Variants in CDK5RAP3 observed in about 807,000 individuals in gnomAD.
CDK5RAP3 encodes the protein CDK5 regulatory subunit associated protein 3, also known as CDK5 regulatory subunit-associated protein 3.
CDK5RAP3 carries 58 observed loss-of-function variants against 73.3 expected under a neutral mutation model. The observed-to-expected ratio is 0.79, with a 90% CI of 0.64 to 0.98. CDK5RAP3 has a LOEUF of 0.98. Ranked by LOEUF, CDK5RAP3 falls within the 50% of genes least tolerant of loss-of-function variation. CDK5RAP3 has a pLI of 0.00. For synonymous variants in CDK5RAP3, 224 were observed against 247.5 expected (o/e 0.91, Z 0.89); for missense variants, 525 against 615.8 (o/e 0.85, Z 1.56).
intron 5 of CDK5RAP3, chr17:47,974,811 C>G (rs949867624): frequency 1.6e-6 from 2 of 1,225,796 alleles, no homozygotes; most frequent in African/African-American, 3.2e-5. Context: ...GAGCGAATAT[C>G]AAGTGCCTGA....
In CDK5RAP3 at chr17:47,975,251, T is replaced by G. The variant is rs1462798517; in HGVS notation, c.427T>G (p.Tyr143Asp). The G allele has an allele frequency of 1.4e-5, 23 of 1,614,018 alleles. No individual in the cohort carries two copies. Among genetic ancestry groups the G allele is most frequent in the Non-Finnish European group, 1.9e-5 (23 of 1,180,028 alleles). ...CAAGTGCCAGCAGCTGCAGCAAGAA[T>G]ACAGCCGCAAGGAGGAGGAGTGCCA... ...IAKCQQLQQE[Y>D]SRKEEECQAG... Residue 143 changes from tyrosine to aspartate, a missense_variant, in exon 6 of 14, where the codon TAC becomes GAC. By Grantham distance (160) the Tyr-to-Asp change is radical (BLOSUM62 -3). Around this residue, in one of 2 missense-constraint regions of CDK5RAP3, gnomAD observed 409 missense variants for 429.8 expected, o/e 0.95. Coordinates refer to ENST00000338399, the MANE Select transcript of CDK5RAP3 (RefSeq NM_176096.3).
chr17:47,974,134 A>C, intron 4 of CDK5RAP3, 103 bp downstream of exon 4: 1 of 824,900 alleles, frequency 1.2e-6, no homozygotes, highest in East Asian at 2.5e-5. Flanking sequence ...ATGCCTACAT[A>C]GAATATTTCC....
At position 47,971,193 on chromosome 17, in the gene CDK5RAP3, G is replaced by A. The variant is rs191902054; in HGVS notation, c.6+41G>A. ...CTGGGTGTGCTGGGGACTGGCCGCG[G>A]ACCCCTAACCTGTGTCTCCGGTCTC... On this transcript the variant is annotated intron_variant, in intron 1 of 13. Coordinates refer to ENST00000338399, the MANE Select transcript of CDK5RAP3 (RefSeq NM_176096.3). 5,546 of 1,535,862 alleles carry A rather than the reference G, an allele frequency of 3.6e-3. 8 individuals carry two copies. The highest frequency in any genetic ancestry group is 4.2e-3 in the Non-Finnish European group (4,738 of 1,136,558).
Position 47,973,577 on chromosome 17 carries a change from C to T in CDK5RAP3, c.111C>T (p.Ile37=). 2 of 1,614,170 alleles carry T rather than the reference C, an allele frequency of 1.2e-6. No individual in the cohort carries two copies. The change falls in exon 3 of 14, where the codon ATC becomes ATT. Residue 37 remains isoleucine, a synonymous_variant. Transcript: ENST00000338399. The stretch of plus-strand genomic sequence containing the variant: ...AATGGCAGAGTCTGGTGCTGACGAT[C>T]CGCGAGAAGATCAATGCTGCCATCC... ...SLKWQSLVLT[I]REKINAAIQD...
At chr17:47,978,233 C>G (rs2036465319) in intron 10 of CDK5RAP3, among the ~76,000 whole-genome samples, 1 of 151,974 alleles carries the variant, frequency 6.6e-6, no homozygotes, top group South Asian at 2.1e-4. Flanking sequence ...CCACGCACAG[C>G]TAATTTTATA....
intron 3 of CDK5RAP3, 122 bp downstream of exon 3, chr17:47,973,772 G>A: frequency 7.5e-7 from 1 of 1,339,122 alleles, no homozygotes; most frequent in Admixed American, 1.9e-5. Context: ...ATTTTTATTT[G>A]AGGTATAGAT....
chr17:47,981,754 A>G lies in CDK5RAP3; in HGVS notation c.*252A>G. 1 of 1,483,622 alleles carries G rather than the reference A, an allele frequency of 6.7e-7. No homozygotes were observed. Among genetic ancestry groups the G allele is most frequent in the African/African-American group, 1.4e-5 (1 of 72,024 alleles). The allele number at this position is 1,483,622 out of a possible 1,614,324, so 91.9% of individuals were successfully genotyped here. A position where few individuals can be genotyped will look rare whatever the true frequency, so the allele number is the denominator to read the frequency against. On this transcript the variant is annotated 3_prime_UTR_variant, in exon 14 of 14. Transcript: ENST00000338399. ...TTCTAGTTAGTATAGCGGACTTAAT[A>G]AAAGAGGAAAAAACTCTTGCTTCAG...
rs1295281596 is a variant in CDK5RAP3 at position 47,977,870 on chromosome 17, T to TG, written c.949dup (p.Val317GlyfsTer29). The TG allele has an allele frequency of 5.0e-5, 81 of 1,613,994 alleles. No homozygotes were observed. Among genetic ancestry groups the TG allele is most frequent in the Non-Finnish European group, 6.5e-5 (77 of 1,179,988 alleles). On this transcript the variant is annotated frameshift_variant, in exon 10 of 14. Coordinates refer to ENST00000338399, the MANE Select transcript of CDK5RAP3 (RefSeq NM_176096.3). LOFTEE classifies it high-confidence loss of function. The stretch of plus-strand genomic sequence containing the variant: ...ATGGGATAGACTGGGGAGACGATGC[T>TG]GTTGCTTTGCAGATCACAGTGCTGG...
chr17:47,972,446 TG>T (rs1170697786), intron 2 of CDK5RAP3, among the ~76,000 whole-genome samples: 2 of 152,228 alleles, frequency 1.3e-5, no homozygotes, highest in African/African-American at 4.8e-5. Context: ...AGAGTATAAC[TG>T]ATACTAGTGT....
chr17:47,976,363 A>G (rs913446670), intron 8 of CDK5RAP3: 32 of 352,238 alleles, frequency 9.1e-5, no homozygotes, highest in South Asian at 5.5e-4. Context: ...CTCCTTTTTA[A>G]ATTAATTTAT....
upstream of CDK5RAP3, chr17:47,971,046 G>T (rs2285860): frequency 0.11 from 163,573 of 1,543,508 alleles, 9,321 homozygotes; most frequent in East Asian, 0.16. Flanking sequence ...GCCGAAGGAT[G>T]CCCGTTTGTG....
rs183328704 is a variant in CDK5RAP3 at position 47,975,169 on chromosome 17, T to C, written c.345T>C (p.Ser115=). 2.5e-6 allele frequency: 4 copies of C among 1,614,132 alleles called. No individual in the cohort carries two copies. The Admixed American group carries it at 6.7e-5, about 27-fold the overall frequency. Residue 115 remains serine, a synonymous_variant, in exon 6 of 14, where the codon TCT becomes TCC. Transcript: ENST00000338399. ...CTGGGCACTTCTCAGTGGAACTCTC[T>C]AGCCTCCTGGTTCGGAATGTCAACT... ...EKDNTYLVEL[S]SLLVRNVNYE... is the part of the protein sequence containing the mutation.
At chr17:47,978,183 C>T (rs2036464045) in intron 10 of CDK5RAP3, 2 of 296,144 alleles carry the variant, frequency 6.8e-6, no homozygotes, top group South Asian at 8.5e-5. Context: ...TATTCTCCTG[C>T]CTCAGCCTCC....
At chr17:47,970,804 G>T (rs554223482), upstream of CDK5RAP3, 5 of 1,432,418 alleles carry the variant, frequency 3.5e-6, no homozygotes, top group Admixed American at 1.0e-4. Flanking sequence ...CCCAGTGCCC[G>T]CCAGGGGAAG....
At chr17:47,980,829 C>G in intron 12 of CDK5RAP3, 31 bp downstream of exon 12, 1 of 1,598,940 alleles carries the variant, frequency 6.3e-7, no homozygotes, top group Non-Finnish European at 8.6e-7. Context: ...AAGGCTCTGC[C>G]ATCTTGAGCA....
upstream of CDK5RAP3, chr17:47,970,948 G>A: frequency 6.9e-7 from 1 of 1,454,482 alleles, no homozygotes; most frequent in Non-Finnish European, 9.0e-7. Flanking sequence ...CCCCTCCCGA[G>A]CTCAGCCATT....
chr17:47,975,350 A>G lies in CDK5RAP3; in HGVS notation c.513+13A>G. On this transcript the variant is annotated intron_variant, in intron 6 of 13. Transcript: ENST00000338399. ...GTATGGCATCACGGTGAGCGGCGGC[A>G]GCCTCTTCGCAGCCAGAGGACACCT... 1 of 1,612,694 alleles carries G rather than the reference A, an allele frequency of 6.2e-7. No homozygotes were observed. Among genetic ancestry groups the G allele is most frequent in the African/African-American group, 1.3e-5 (1 of 75,036 alleles).
Position 47,981,643 on chromosome 17 carries a change from T to C in CDK5RAP3, c.*141T>C, listed in dbSNP as rs891632825. The C allele has an allele frequency of 2.1e-5, 33 of 1,553,122 alleles. No individual in the cohort carries two copies. Among genetic ancestry groups the C allele is most frequent in the Non-Finnish European group, 2.4e-5 (28 of 1,153,458 alleles). Reference sequence around the variant, plus strand: ...GCCACAGGAAGGAAGCGGCACCTGATGGTGATCTTGGCACTCTCCATGTTC... The same window carrying C: ...GCCACAGGAAGGAAGCGGCACCTGACGGTGATCTTGGCACTCTCCATGTTC... On this transcript the variant is annotated 3_prime_UTR_variant, in exon 14 of 14. Coordinates refer to ENST00000338399, the MANE Select transcript of CDK5RAP3 (RefSeq NM_176096.3).
In CDK5RAP3 at chr17:47,981,583, C is replaced by G. The variant is rs1226311625; in HGVS notation, c.*81C>G. ...CCAGGGCTGTTGTTTTGGGGCCCTT[C>G]AAGGCAAAAGACCAGGCTGACTGGA... On this transcript the variant is annotated 3_prime_UTR_variant, in exon 14 of 14. Transcript: ENST00000338399. 2.5e-6 allele frequency: 4 copies of G among 1,612,204 alleles called. No homozygotes were observed. The highest frequency in any genetic ancestry group is 1.3e-5 in the African/African-American group (1 of 74,896).
Sources: gnomAD v4.1 joint callset for allele counts (sites outside exome capture counted in the v4.1 genomes callset) on GRCh38, gnomAD v4.1.1 for gene constraint, gnomAD v4.1.1 regional missense constraint, MANE v1.5 for transcripts, NCBI Gene and HGNC (gene_info 2026-07-23, HGNC 2026-07-21) for gene names.